HTT: variants seen among roughly 807,000 people sequenced by gnomAD.
The protein encoded by HTT is huntington disease protein.
Under a neutral mutation model 362.3 loss-of-function variants are expected in HTT, and 104 were observed. The observed-to-expected ratio is 0.29, with a 90% CI of 0.24 to 0.34. The LOEUF (loss-of-function observed/expected upper bound fraction) is 0.34. Among genes scored for constraint, HTT ranks in the 10% least tolerant of loss-of-function variants. HTT has a pLI of 1.00. For missense variants in HTT, 3,301 were observed against 3,928.6 expected (o/e 0.84, Z 4.27); for synonymous variants, 1,577 against 1,548.7 (o/e 1.02, Z -0.43).
At position 3,174,742 on chromosome 4, in the gene HTT, A is replaced by G. The variant is rs2110234053; in HGVS notation, c.4188A>G (p.Lys1396=). ...DTSGWFDVLQ[K]VSTQLKTNLT... ...GCAGATGGTTTGATGTCCTCCAGAA[A>G]GTGTCTACCCAGTTGAAGACAAACC... Residue 1396 remains lysine, a synonymous_variant, in exon 32 of 67, where the codon AAA becomes AAG. Transcript: ENST00000355072. The G allele has an allele frequency of 2.5e-6, 4 of 1,613,980 alleles. No individual in the cohort carries two copies. In the East Asian group the frequency reaches 6.7e-5, roughly 27 times the overall value.
chr4:3,136,131 T>C lies in HTT; in HGVS notation c.2698-95T>C, dbSNP rs554425797. The C allele has an allele frequency of 8.0e-5, 74 of 929,226 alleles. No individual in the cohort carries two copies. In the African/African-American group the frequency reaches 1.1e-3, roughly 14 times the overall value. 57.6% of individuals were successfully genotyped at this position (929,226 alleles called of 1,614,324 possible). ...TGTCATATGGATTTAAGTCTAGTAA[T>C]GTTGAGTTCTTTCTCACTAGCTTTC... On this transcript the variant is annotated intron_variant, in intron 20 of 66. Transcript: ENST00000355072.
chr4:3,215,045 T>G, intron 50 of HTT, 65 bp from the exon 51 acceptor site: 1 of 1,306,124 alleles, frequency 7.7e-7, no homozygotes, highest in Non-Finnish European at 1.1e-6. Flanking sequence ...AAATGTAAAA[T>G]GTTGAATAAA....
chr4:3,216,832 C>T lies in HTT; in HGVS notation c.7055-933C>T, dbSNP rs572340793. ...CGAGGTCAGGAGATCGAGACCATCCCAGCTAAAACGGTGAAACCCCGTCTC... is the reference window on the plus strand; with the variant it reads ...CGAGGTCAGGAGATCGAGACCATCCTAGCTAAAACGGTGAAACCCCGTCTC... On this transcript the variant is annotated intron_variant, in intron 51 of 66. Coordinates refer to ENST00000355072, the MANE Select transcript of HTT (RefSeq NM_001388492.1). Among the ~76,000 whole-genome samples the T allele has an allele frequency of 6.7e-3, 1,012 of 152,046 alleles. 11 individuals carry two copies. Among genetic ancestry groups the T allele is most frequent in the African/African-American group, 0.022 (923 of 41,456 alleles).
chr4:3,136,440 C>G (rs1716068441), intron 21 of HTT, 114 bp downstream of exon 21: 1 of 476,886 alleles, frequency 2.1e-6, no homozygotes, highest in Non-Finnish European at 3.8e-6. Flanking sequence ...TGAATCTGAG[C>G]TCATTTCAGC....
intron 34 of HTT, among the ~76,000 whole-genome samples, chr4:3,177,747 T>A (rs1718302285): frequency 6.6e-6 from 1 of 152,218 alleles, no homozygotes; most frequent in African/African-American, 2.4e-5. Context: ...TATTATGCAT[T>A]TGTATTCTCT....
rs1721933163 is a variant in HTT at position 3,243,891 on chromosome 4, T to C, written c.*3832T>C. ...AGCAAAGGGAAGGACTGACGAGAGA[T>C]GTATATTTAATTTTTTAACTGCTGC... On this transcript the variant is annotated 3_prime_UTR_variant, in exon 67 of 67. Coordinates refer to ENST00000355072, the MANE Select transcript of HTT (RefSeq NM_001388492.1). 1 of 152,130 alleles carries C rather than the reference T, an allele frequency of 6.6e-6. No homozygotes were observed. Among genetic ancestry groups the C allele is most frequent in the South Asian group, 2.1e-4 (1 of 4,826 alleles). 9.4% of individuals were successfully genotyped at this position (152,130 alleles called of 1,614,324 possible). A position where few individuals can be genotyped will look rare whatever the true frequency, so the allele number is the denominator to read the frequency against.
At position 3,145,186 on chromosome 4, in the gene HTT, C is replaced by T; in HGVS notation, c.3101C>T (p.Thr1034Ile). The change falls in exon 24 of 67, where the codon ACT becomes ATT. Residue 1034 changes from threonine to isoleucine, a missense_variant. Physicochemically the swap from Thr to Ile is moderately conservative, Grantham distance 89. This residue lies in a region of HTT where 2,316 missense variants were observed against 2,658.5 expected (regional missense o/e 0.87). Transcript: ENST00000355072. ...GCCEALCLLS[T>I]AFPVCIWSLG... ...TGTGAAGCTTTGTGTCTTCTTTCCA[C>T]TGCCTTCCCAGTTTGCATTTGGAGT... 6.2e-7 allele frequency: 1 copy of T among 1,613,942 alleles called. No homozygotes were observed. Among genetic ancestry groups the T allele is most frequent in the Non-Finnish European group, 8.5e-7 (1 of 1,179,794 alleles).
chr4:3,161,727 G>A (rs774888572), intron 29 of HTT, among the ~76,000 whole-genome samples: 19 of 152,228 alleles, frequency 1.2e-4, no homozygotes, highest in African/African-American at 4.6e-4. Context: ...CTTCTTTTGC[G>A]AAGTGTCTGT....
intron 26 of HTT, among the ~76,000 whole-genome samples, chr4:3,149,014 G>A (rs1205308714): frequency 6.6e-6 from 1 of 152,184 alleles, no homozygotes; most frequent in Non-Finnish European, 1.5e-5. Flanking sequence ...ATCAGTCACT[G>A]TTATCCCTAA....
At chr4:3,115,543 G>C in intron 7 of HTT, 98 bp downstream of exon 7, 1 of 984,334 alleles carries the variant, frequency 1.0e-6, no homozygotes. Flanking sequence ...TTCTAGACCA[G>C]GCTATTTGGC....
intron 52 of HTT, 99 bp from the exon 53 acceptor site, chr4:3,220,080 TGAG>T: frequency 7.6e-7 from 1 of 1,313,564 alleles, no homozygotes; most frequent in African/African-American, 1.5e-5. Context: ...GTTGGGGTAG[TGAG>T]GAGGGAGCCC....
At chr4:3,100,019 T>C (rs1714072840) in intron 3 of HTT, among the ~76,000 whole-genome samples, 2 of 152,166 alleles carry the variant, frequency 1.3e-5, no homozygotes, top group African/African-American at 4.8e-5. Flanking sequence ...ACCTGCCCGG[T>C]CAGAAGGCGC....
At chr4:3,119,458 T>G (rs1014134129) in intron 8 of HTT, among the ~76,000 whole-genome samples, 1 of 152,230 alleles carries the variant, frequency 6.6e-6, no homozygotes, top group Non-Finnish European at 1.5e-5. Context: ...AAATCTTTCT[T>G]TCTTTCTGAG....
At chr4:3,211,769 C>T in intron 47 of HTT, 160 bp from the exon 48 acceptor site, 1 of 587,754 alleles carries the variant, frequency 1.7e-6, no homozygotes, top group South Asian at 2.2e-5. Context: ...TTATAACAGG[C>T]ATAGAGTAGA....
intron 34 of HTT, among the ~76,000 whole-genome samples, chr4:3,177,914 C>G (rs1434702180): frequency 1.3e-5 from 2 of 152,106 alleles, no homozygotes; most frequent in African/African-American, 2.4e-5. Context: ...TTCCCAGATT[C>G]CCTGGGGTCT....
intron 17 of HTT, 36 bp from the exon 18 acceptor site, chr4:3,132,778 T>C: frequency 6.2e-7 from 1 of 1,612,670 alleles, no homozygotes; most frequent in Non-Finnish European, 8.5e-7. Context: ...GGTTTAAGTT[T>C]AGATGATGAT....
chr4:3,189,083 C>T lies in HTT; in HGVS notation c.5358C>T (p.Ile1786=), dbSNP rs1458602402. The T allele has an allele frequency of 5.0e-6, 8 of 1,614,076 alleles. No homozygotes were observed. Among genetic ancestry groups the T allele is most frequent in the Non-Finnish European group, 6.8e-6 (8 of 1,179,956 alleles). The part of the protein sequence containing the change: ...LGTLLMCLIH[I]FKSGMFRRIT... ...CACTGCTAATGTGTCTGATCCACAT[C>T]TTCAAGTCTGGTAGGTGAATCACAT... Residue 1786 remains isoleucine (I), a synonymous_variant, in exon 40 of 67, where the codon ATC becomes ATT. Coordinates refer to ENST00000355072, the MANE Select transcript of HTT (RefSeq NM_001388492.1).
At position 3,074,945 on chromosome 4, in the gene HTT, A is replaced by ACCGCCGCCGCCGCCGCCG. The variant is rs772429544; in HGVS notation, c.126_143dup (p.Pro44_Pro49dup). The ACCGCCGCCGCCGCCGCCG allele has an allele frequency of 2.3e-5, 28 of 1,214,970 alleles. No homozygotes were observed. Among genetic ancestry groups the ACCGCCGCCGCCGCCGCCG allele is most frequent in the South Asian group, 2.2e-4 (16 of 73,254 alleles). 75.3% of individuals were successfully genotyped at this position (1,214,970 alleles called of 1,614,324 possible). A position where few individuals can be genotyped will look rare whatever the true frequency, so the allele number is the denominator to read the frequency against. On this transcript the variant is annotated inframe_insertion, in exon 1 of 67. Transcript: ENST00000355072. ...AGCAGCAGCAGCAGCAACAGCCGCC[A>ACCGCCGCCGCCGCCGCCG]CCGCCGCCGCCGCCGCCGCCGCCTC...
chr4:3,133,537 A>C (rs954710900), intron 18 of HTT, among the ~76,000 whole-genome samples: 6 of 151,674 alleles, frequency 4.0e-5, no homozygotes, highest in South Asian at 2.1e-4. Flanking sequence ...AAAAAAAAAA[A>C]AAAAAACCAC....
Sources: gnomAD v4.1 joint callset for allele counts (sites outside exome capture counted in the v4.1 genomes callset) on GRCh38, gnomAD v4.1.1 for gene constraint, gnomAD v4.1.1 regional missense constraint, MANE v1.5 for transcripts, NCBI Gene and HGNC (gene_info 2026-07-23, HGNC 2026-07-21) for gene names.